The following EPC2 variants were observed in gnomAD, a reference collection of about 807,000 sequenced individuals.
The protein encoded by EPC2 is enhancer of polycomb 2.
In EPC2, 14 loss-of-function variants were observed where a neutral mutation model predicts 92.1. That is an observed-to-expected ratio of 0.15 (90% CI 0.10 to 0.24). The LOEUF (loss-of-function observed/expected upper bound fraction) is 0.24, where lower values mean the gene tolerates loss of function less well. EPC2 is among the 10% of genes least tolerant of loss of function. The pLI is 1.00. For missense variants in EPC2, 755 were observed against 971.5 expected, an observed-to-expected ratio of 0.78 and a Z score of 2.96; for synonymous variants, 340 against 334.7, an observed-to-expected ratio of 1.02 and a Z score of -0.17.
intron 2 of EPC2, among the ~76,000 whole-genome samples, chr2:148,713,116 G>A (rs371389449): frequency 5.9e-5 from 9 of 152,228 alleles, no homozygotes; most frequent in East Asian, 1.9e-4. Context: ...CTTTTTAATC[G>A]TTATGTTAGA....
At chr2:148,691,711 A>G in intron 2 of EPC2, 1 of 1,205,172 alleles carries the variant, frequency 8.3e-7, no homozygotes. Flanking sequence ...ATTAGCTTTA[A>G]TTTAGGCTGC....
intron 1 of EPC2, among the ~76,000 whole-genome samples, chr2:148,657,686 T>C (rs1680831069): frequency 1.3e-5 from 2 of 152,022 alleles, no homozygotes; most frequent in African/African-American, 4.8e-5. Context: ...AGCTTTATCC[T>C]AGATCTACCA....
intron 4 of EPC2, 53 bp downstream of exon 4, chr2:148,754,186 ATCTT>A: frequency 7.4e-7 from 1 of 1,349,030 alleles, no homozygotes; most frequent in Non-Finnish European, 1.0e-6. Context: ...TTCAAGATCA[ATCTT>A]TTTTTTTCTA....
At chr2:148,667,493 T>C (rs1681077617) in intron 1 of EPC2, among the ~76,000 whole-genome samples, 1 of 152,254 alleles carries the variant, frequency 6.6e-6, no homozygotes, top group Admixed American at 6.5e-5. Flanking sequence ...TCAATATTAC[T>C]AAACTCACTT....
At chr2:148,743,560 G>C (rs570870289) in intron 2 of EPC2, 62 bp from the exon 3 acceptor site, 261 of 1,341,940 alleles carry the variant, frequency 1.9e-4, no homozygotes, top group Non-Finnish European at 2.4e-4. Flanking sequence ...AGTCAAATAT[G>C]ATGAACAATG....
chr2:148,736,670 T>C (rs1682762725), intron 2 of EPC2, among the ~76,000 whole-genome samples: 1 of 152,206 alleles, frequency 6.6e-6, no homozygotes, highest in Admixed American at 6.5e-5. Context: ...CCACACTTTT[T>C]TCTACAGTTA....
chr2:148,668,279 C>A (rs780677104), intron 1 of EPC2, among the ~76,000 whole-genome samples: 1 of 152,148 alleles, frequency 6.6e-6, no homozygotes, highest in Non-Finnish European at 1.5e-5. Context: ...ATCCTGCCTA[C>A]CTGGAATAAC....
intron 3 of EPC2, among the ~76,000 whole-genome samples, chr2:148,747,649 A>G (rs1352202669): frequency 6.6e-6 from 1 of 152,100 alleles, no homozygotes; most frequent in Non-Finnish European, 1.5e-5. Context: ...GTGGTCTCCT[A>G]ATTGTCATCA....
At chr2:148,690,171 A>G (rs1182077443) in intron 1 of EPC2, 43 bp from the exon 2 acceptor site, 2 of 1,534,218 alleles carry the variant, frequency 1.3e-6, no homozygotes, top group African/African-American at 2.8e-5. Context: ...GCATTGATTA[A>G]TATTACTAAA....
At chr2:148,657,669 A>G (rs1680830717) in intron 1 of EPC2, among the ~76,000 whole-genome samples, 1 of 151,874 alleles carries the variant, frequency 6.6e-6, no homozygotes, top group Admixed American at 6.6e-5. Flanking sequence ...TATAAAGTAC[A>G]CTTAAAAGCT....
chr2:148,764,857 G>T, intron 6 of EPC2, 98 bp from the exon 7 acceptor site: 1 of 931,150 alleles, frequency 1.1e-6, no homozygotes, highest in East Asian at 3.3e-5. Context: ...CACCTCCTGG[G>T]TAAAAATGTA....
chr2:148,752,201 T>C (rs186140348), intron 3 of EPC2, among the ~76,000 whole-genome samples: 66 of 152,324 alleles, frequency 4.3e-4, no homozygotes, highest in African/African-American at 1.4e-3. Context: ...GATTAAGCTC[T>C]TGATTTAGTA....
At chr2:148,667,460 T>G (rs1401025647) in intron 1 of EPC2, among the ~76,000 whole-genome samples, 1 of 152,268 alleles carries the variant, frequency 6.6e-6, no homozygotes, top group East Asian at 1.9e-4. Context: ...TAGATTTTTT[T>G]GTGTATATTG....
chr2:148,674,905 G>T (rs1681232631), intron 1 of EPC2, among the ~76,000 whole-genome samples: 1 of 152,120 alleles, frequency 6.6e-6, no homozygotes, highest in Non-Finnish European at 1.5e-5. Context: ...CCTCCATCTT[G>T]CTCCCTTTAC....
chr2:148,701,707 T>G (rs924374730), intron 2 of EPC2, among the ~76,000 whole-genome samples: 3 of 152,160 alleles, frequency 2.0e-5, no homozygotes, highest in Non-Finnish European at 4.4e-5. Context: ...TTGTAATATC[T>G]TTTTCTGCTT....
intron 10 of EPC2, among the ~76,000 whole-genome samples, chr2:148,776,204 GT>G (rs1255834136): frequency 2.0e-5 from 3 of 152,122 alleles, no homozygotes. Flanking sequence ...AACTATGATA[GT>G]TTTAGGATTG....
At chr2:148,726,765 G>GTTTTTTT (rs201293391) in intron 2 of EPC2, among the ~76,000 whole-genome samples, 1 of 100,594 alleles carries the variant, frequency 9.9e-6, no homozygotes, top group African/African-American at 3.9e-5. Context: ...TTTGTTTTTT[G>GTTTTTTT]TTTTTTTTTT....
intron 1 of EPC2, among the ~76,000 whole-genome samples, chr2:148,662,727 T>C (rs1297426544): frequency 6.6e-6 from 1 of 151,816 alleles, no homozygotes; most frequent in Non-Finnish European, 1.5e-5. Flanking sequence ...AAATGATGAG[T>C]TAATGGGTGC....
At chr2:148,676,248 T>C (rs1681259023) in intron 1 of EPC2, among the ~76,000 whole-genome samples, 2 of 152,016 alleles carry the variant, frequency 1.3e-5, no homozygotes, top group Admixed American at 1.3e-4. Flanking sequence ...AGCGTAATTA[T>C]AGTAGGTTTC....
Sources: gnomAD v4.1 joint callset for allele counts (sites outside exome capture counted in the v4.1 genomes callset) on GRCh38, gnomAD v4.1.1 for gene constraint, MANE v1.5 for transcripts, NCBI Gene and HGNC (gene_info 2026-07-23, HGNC 2026-07-21) for gene names.